OR1J2: variants seen among roughly 807,000 people sequenced by gnomAD.
OR1J2 encodes olfactory receptor family 1 subfamily J member 2.
For missense variants in OR1J2, 304 were observed against 246.1 expected, an observed-to-expected ratio of 1.24 and a Z score of -1.57; for synonymous variants, 142 against 99.7, an observed-to-expected ratio of 1.42 and a Z score of -2.52.
chr9:122,522,232 TAAC>T, the OR1J2 span, among the ~76,000 whole-genome samples: 1 of 152,210 alleles, frequency 6.6e-6, no homozygotes, highest in South Asian at 2.1e-4. Flanking sequence ...TTTCACAAGT[TAAC>T]AAATAGTTCT....
the OR1J2 span, among the ~76,000 whole-genome samples, chr9:122,533,167 A>G: frequency 6.6e-6 from 1 of 152,162 alleles, no homozygotes. Flanking sequence ...TATTGAGGAT[A>G]GGAGAGTATA....
the OR1J2 span, among the ~76,000 whole-genome samples, chr9:122,544,887 G>T: frequency 6.6e-6 from 1 of 151,380 alleles, no homozygotes; most frequent in Admixed American, 6.6e-5. Flanking sequence ...ACTTTCTTAG[G>T]GTTTACTTTG....
the OR1J2 span, among the ~76,000 whole-genome samples, chr9:122,449,793 A>G: frequency 5.9e-5 from 9 of 152,338 alleles, no homozygotes; most frequent in South Asian, 1.9e-3. Context: ...GGTTCACTAT[A>G]TAGCCGGATC....
At chr9:122,512,081 A>G (rs1165222277), downstream of OR1J2, among the ~76,000 whole-genome samples, 1 of 152,220 alleles carries the variant, frequency 6.6e-6, no homozygotes, top group Non-Finnish European at 1.5e-5. Flanking sequence ...AGGCTTTAAC[A>G]CAACATAGAA....
chr9:122,528,459 G>A, the OR1J2 span, among the ~76,000 whole-genome samples: 533 of 152,206 alleles, frequency 3.5e-3, 2 homozygotes, highest in African/African-American at 0.012. Flanking sequence ...TTAGCCGGGT[G>A]TGGTGGCATG....
the OR1J2 span, among the ~76,000 whole-genome samples, chr9:122,490,500 G>A: frequency 1.3e-5 from 2 of 152,030 alleles, no homozygotes; most frequent in South Asian, 2.1e-4. Context: ...CCCCTCATGC[G>A]TTTCCCACAC....
the OR1J2 span, among the ~76,000 whole-genome samples, chr9:122,532,962 A>C: frequency 7.3e-3 from 1,115 of 151,782 alleles, 13 homozygotes; most frequent in African/African-American, 0.026. Flanking sequence ...ATGAGGATGA[A>C]ATTTGGGCTT....
chr9:122,526,702 A>C, the OR1J2 span: 5 of 1,614,146 alleles, frequency 3.1e-6, no homozygotes, highest in Non-Finnish European at 4.2e-6. Context: ...CCCAAGACAA[A>C]AACCATCATC....
chr9:122,571,793 C>G, the OR1J2 span, among the ~76,000 whole-genome samples: 3 of 151,794 alleles, frequency 2.0e-5, no homozygotes, highest in Non-Finnish European at 4.4e-5. Flanking sequence ...TGGACAGTGC[C>G]TTGGACTTGA....
chr9:122,554,587 T>A, the OR1J2 span, among the ~76,000 whole-genome samples: 2 of 152,182 alleles, frequency 1.3e-5, no homozygotes, highest in Non-Finnish European at 2.9e-5. Context: ...TTACTTTAGG[T>A]AGAATTGTGA....
chr9:122,517,961 T>G, the OR1J2 span, among the ~76,000 whole-genome samples: 1,418 of 152,284 alleles, frequency 9.3e-3, 21 homozygotes, highest in African/African-American at 0.033. Flanking sequence ...AGAACATGTG[T>G]TGTTTGGTTT....
the OR1J2 span, among the ~76,000 whole-genome samples, chr9:122,492,383 T>A: frequency 6.6e-6 from 1 of 152,196 alleles, no homozygotes; most frequent in Non-Finnish European, 1.5e-5. Flanking sequence ...ACCACATTTT[T>A]TTATTTAGTC....
chr9:122,515,204 T>C (rs916362370), downstream of OR1J2, among the ~76,000 whole-genome samples: 1 of 152,132 alleles, frequency 6.6e-6, no homozygotes, highest in Admixed American at 6.5e-5. Flanking sequence ...CTTTCTCCGA[T>C]GTCAGTGAGG....
chr9:122,470,631 T>C, the OR1J2 span, among the ~76,000 whole-genome samples: 1 of 152,130 alleles, frequency 6.6e-6, no homozygotes, highest in Admixed American at 6.5e-5. Context: ...GACCCCAGAA[T>C]TGTAGAGCCA....
the OR1J2 span, among the ~76,000 whole-genome samples, chr9:122,476,234 C>T: frequency 6.6e-6 from 1 of 152,146 alleles, no homozygotes; most frequent in Non-Finnish European, 1.5e-5. Flanking sequence ...TGAGAAATGT[C>T]ATATGTTTTT....
chr9:122,504,441 T>C, the OR1J2 span, among the ~76,000 whole-genome samples: 13 of 152,338 alleles, frequency 8.5e-5, no homozygotes, highest in Admixed American at 6.5e-4. Flanking sequence ...TACTTAAAGC[T>C]GGAAGTTTAT....
At chr9:122,497,812 A>C in the OR1J2 span, among the ~76,000 whole-genome samples, 2 of 152,030 alleles carry the variant, frequency 1.3e-5, no homozygotes, top group African/African-American at 4.8e-5. Context: ...AGCGCTATAA[A>C]CTTTCCTGTT....
chr9:122,552,749 A>AGTGTGTGTGTGTGTGTGTGTGTGT, the OR1J2 span, among the ~76,000 whole-genome samples: 4 of 129,662 alleles, frequency 3.1e-5, no homozygotes, highest in South Asian at 2.8e-4. Context: ...AGAGGGCTTG[A>AGTGTGTGTGTGTGTGTGTGTGTGT]GTGTGTGTGT....
chr9:122,572,610 G>T, the OR1J2 span, among the ~76,000 whole-genome samples: 21,310 of 150,768 alleles, frequency 0.14, 1,601 homozygotes, highest in Middle Eastern at 0.21. Context: ...GGGTTTTGCT[G>T]CTCTCAAAGC....
Sources: allele counts gnomAD v4.1 joint callset (sites outside exome capture counted in the v4.1 genomes callset), GRCh38; gene constraint gnomAD v4.1.1; transcripts MANE v1.5; gene names NCBI Gene and HGNC (gene_info 2026-07-23, HGNC 2026-07-21).